The following MYRIP variants were observed in gnomAD, a reference collection of about 807,000 sequenced individuals.
The protein encoded by MYRIP is myosin VIIA and Rab interacting protein, also known as rab effector MyRIP.
Under a neutral mutation model 98.0 loss-of-function variants are expected in MYRIP, and 49 were observed. The observed-to-expected ratio is 0.50, with a 90% CI of 0.40 to 0.63. The LOEUF is 0.63. MYRIP is among the 30% of genes least tolerant of loss of function. The pLI is 0.00. For synonymous variants in MYRIP, 404 were observed against 409.5 expected (o/e 0.99, Z 0.16); for missense variants, 1,004 against 1,058.2 (o/e 0.95, Z 0.71).
chr3:39,919,954 C>T (rs565234927), intron 2 of MYRIP, among the ~76,000 whole-genome samples: 2 of 152,132 alleles, frequency 1.3e-5, no homozygotes, highest in East Asian at 3.9e-4. Flanking sequence ...GACTTGTGAC[C>T]TTGGGCATGT....
At chr3:40,138,657 C>A (rs903048147) in intron 3 of MYRIP, among the ~76,000 whole-genome samples, 2 of 151,974 alleles carry the variant, frequency 1.3e-5, no homozygotes, top group African/African-American at 4.8e-5. Context: ...TGCCTTTTTT[C>A]TGACATTAAG....
chr3:40,144,903 T>C (rs1166644650), intron 3 of MYRIP, among the ~76,000 whole-genome samples: 1 of 152,218 alleles, frequency 6.6e-6, no homozygotes, highest in Non-Finnish European at 1.5e-5. Context: ...TAATCTCTGC[T>C]CGAGTTTGCT....
At chr3:39,973,681 A>AATTTGCT (rs1945662140) in intron 2 of MYRIP, among the ~76,000 whole-genome samples, 1 of 129,256 alleles carries the variant, frequency 7.7e-6, no homozygotes, top group African/African-American at 3.6e-5. Context: ...ATGTAAAAGA[A>AATTTGCT]GAGAAATTAT....
At chr3:40,202,705 A>G (rs1951601823) in intron 10 of MYRIP, among the ~76,000 whole-genome samples, 1 of 152,024 alleles carries the variant, frequency 6.6e-6, no homozygotes, top group Admixed American at 6.6e-5. Context: ...CAGCTCAACC[A>G]TCCACTAGTG....
chr3:39,974,624 G>A (rs1050214497), intron 2 of MYRIP, among the ~76,000 whole-genome samples: 1 of 152,170 alleles, frequency 6.6e-6, no homozygotes, highest in African/African-American at 2.4e-5. Flanking sequence ...CAATATCCCT[G>A]ATGAACATCG....
chr3:39,920,464 T>C (rs907129275), intron 2 of MYRIP, among the ~76,000 whole-genome samples: 20 of 152,310 alleles, frequency 1.3e-4, no homozygotes, highest in Admixed American at 8.5e-4. Context: ...TTAGAGAAGA[T>C]TCTTAGCTGC....
chr3:40,074,855 A>G (rs189269802), intron 3 of MYRIP, among the ~76,000 whole-genome samples: 5 of 152,340 alleles, frequency 3.3e-5, no homozygotes, highest in Admixed American at 2.6e-4. Flanking sequence ...AAATAAGCAT[A>G]TGAAAAGATA....
intron 10 of MYRIP, among the ~76,000 whole-genome samples, chr3:40,208,261 ATAAG>A (rs1951834810): frequency 6.6e-6 from 1 of 152,234 alleles, no homozygotes; most frequent in Non-Finnish European, 1.5e-5. Context: ...TATTTAAAAC[ATAAG>A]TAAGTTCTCT....
intron 3 of MYRIP, among the ~76,000 whole-genome samples, chr3:40,046,746 G>A (rs901415697): frequency 2.6e-5 from 4 of 151,762 alleles, no homozygotes; most frequent in Non-Finnish European, 5.9e-5. Context: ...GATCTTTAAG[G>A]GATGGCGAAA....
intron 4 of MYRIP, among the ~76,000 whole-genome samples, chr3:40,159,960 G>A (rs967735135): frequency 3.3e-5 from 5 of 152,188 alleles, no homozygotes; most frequent in African/African-American, 9.7e-5. Context: ...GTAGTTCGGA[G>A]TAATTTGATC....
At chr3:39,939,106 C>T (rs1441038362) in intron 2 of MYRIP, among the ~76,000 whole-genome samples, 2 of 149,996 alleles carry the variant, frequency 1.3e-5, no homozygotes, top group South Asian at 2.2e-4. Context: ...ATGTCATTTC[C>T]GGACCTTGGA....
At chr3:39,986,315 C>A (rs1031130733) in intron 2 of MYRIP, among the ~76,000 whole-genome samples, 13 of 152,056 alleles carry the variant, frequency 8.5e-5, no homozygotes, top group African/African-American at 3.1e-4. Context: ...TTTCTCATTT[C>A]TTCTTTTCCC....
rs866870465 is a variant in MYRIP at position 39,877,825 on chromosome 3, A to G, written c.-30-22962A>G. ...ACCCACTTGAGGAGGCAGTCTGCCCATTCTCAGATCTCCAGCTGCGTGCTG... is the reference window on the plus strand; with the variant it reads ...ACCCACTTGAGGAGGCAGTCTGCCCGTTCTCAGATCTCCAGCTGCGTGCTG... On this transcript the variant is annotated intron_variant, in intron 1 of 16. Transcript: ENST00000302541. Among the ~76,000 whole-genome samples, 1,256 of 152,034 alleles carry G rather than the reference A, an allele frequency of 8.3e-3. 12 individuals are homozygous for G. The highest frequency in any genetic ancestry group is 0.029 in the African/African-American group (1,189 of 41,326).
intron 10 of MYRIP, among the ~76,000 whole-genome samples, chr3:40,195,144 T>G (rs1951352425): frequency 6.6e-6 from 1 of 152,234 alleles, no homozygotes; most frequent in African/African-American, 2.4e-5. Context: ...GCTTCCAGTG[T>G]TTCACTATTA....
rs190092431 is a variant in MYRIP at position 40,033,682 on chromosome 3, G to A, written c.111-10368G>A. ...ATAGATTCAATGCCATCCCTATCAA[G>A]CTACCAATGACTTTCTTCACAGAAT... On this transcript the variant is annotated intron_variant, in intron 2 of 16. Coordinates refer to ENST00000302541, the MANE Select transcript of MYRIP (RefSeq NM_015460.4). Among the ~76,000 whole-genome samples the A allele has an allele frequency of 6.6e-5, 10 of 152,282 alleles. No individual in the cohort carries two copies. The East Asian group carries it at 1.9e-3, about 29-fold the overall frequency.
intron 2 of MYRIP, among the ~76,000 whole-genome samples, chr3:39,954,489 G>A (rs1945107245): frequency 6.6e-6 from 1 of 152,068 alleles, no homozygotes; most frequent in East Asian, 1.9e-4. Flanking sequence ...AAACGGAAAG[G>A]ACATCCACAC....
chr3:39,943,572 T>C (rs545847759), intron 2 of MYRIP, among the ~76,000 whole-genome samples: 1 of 152,214 alleles, frequency 6.6e-6, no homozygotes, highest in East Asian at 1.9e-4. Flanking sequence ...CCATAAGTTA[T>C]CCAGTAGAAG....
chr3:40,077,139 G>T (rs1456037745), intron 3 of MYRIP, among the ~76,000 whole-genome samples: 5 of 152,164 alleles, frequency 3.3e-5, no homozygotes, highest in East Asian at 1.9e-4. Flanking sequence ...TCGTGGTCTC[G>T]CTGGCTTCAG....
At chr3:39,811,017 C>T (rs1940668598) in intron 1 of MYRIP, among the ~76,000 whole-genome samples, 1 of 152,138 alleles carries the variant, frequency 6.6e-6, no homozygotes, top group Non-Finnish European at 1.5e-5. Flanking sequence ...TGGGGGCTGG[C>T]CAGTCTTGGG....
Sources: gnomAD v4.1 joint callset for allele counts (sites outside exome capture counted in the v4.1 genomes callset) on GRCh38, gnomAD v4.1.1 for gene constraint, MANE v1.5 for transcripts, NCBI Gene and HGNC (gene_info 2026-07-23, HGNC 2026-07-21) for gene names.